The following RYR3 variants were observed in gnomAD, a reference collection of about 807,000 sequenced individuals.
RYR3 encodes ryanodine receptor 3, also known as brain ryanodine receptor-calcium release channel.
Under a neutral mutation model 584.3 loss-of-function variants are expected in RYR3, and 207 were observed. The observed-to-expected ratio is 0.35, with a 90% CI of 0.32 to 0.40. The LOEUF (loss-of-function observed/expected upper bound fraction) is 0.40, where lower values mean the gene tolerates loss of function less well. Among genes scored for constraint, RYR3 ranks in the 10% least tolerant of loss-of-function variants. The pLI is 1.00. For missense variants in RYR3, 5,616 were observed against 6,089.2 expected (o/e 0.92, Z 2.59); for synonymous variants, 2,416 against 2,248.5 (o/e 1.07, Z -2.11).
intron 49 of RYR3, among the ~76,000 whole-genome samples, chr15:33,737,654 C>A (rs1456641301): frequency 6.6e-6 from 1 of 152,164 alleles, no homozygotes; most frequent in African/African-American, 2.4e-5. Context: ...CTAGCAGCCC[C>A]AGTTTTCATC....
chr15:33,838,926 G>C lies in RYR3; in HGVS notation c.12946G>C (p.Glu4316Gln), dbSNP rs777436508. The C allele has an allele frequency of 6.2e-7, 1 of 1,613,606 alleles. No individual in the cohort carries two copies. Among genetic ancestry groups the C allele is most frequent in the Non-Finnish European group, 8.5e-7 (1 of 1,179,714 alleles). The change falls in exon 89 of 104, where the codon GAG becomes CAG. Residue 4316 changes from glutamate to glutamine, a missense_variant. Glu to Gln is a conservative substitution (Grantham distance 29, BLOSUM62 2). Transcript: ENST00000634891. ...IIGKDEPPTL[E>Q]STVQKKRKAQ... ...TGGCAAGGATGAACCCCCTACATTAGAGAGTACTGTACAGAAGAAGAGGAA... is the reference window on the plus strand; with the variant it reads ...TGGCAAGGATGAACCCCCTACATTACAGAGTACTGTACAGAAGAAGAGGAA...
At chr15:33,329,076 G>T (rs572592835) in intron 1 of RYR3, among the ~76,000 whole-genome samples, 1 of 152,166 alleles carries the variant, frequency 6.6e-6, no homozygotes, top group Non-Finnish European at 1.5e-5. Flanking sequence ...GTGAACTTCT[G>T]TAGTTGTCTA....
At chr15:33,368,809 C>T (rs377180850) in intron 1 of RYR3, among the ~76,000 whole-genome samples, 47 of 152,126 alleles carry the variant, frequency 3.1e-4, no homozygotes, top group East Asian at 1.4e-3. Flanking sequence ...TCTAGTGTCT[C>T]GAGATTGGAG....
intron 1 of RYR3, among the ~76,000 whole-genome samples, chr15:33,349,572 C>T (rs1332995522): frequency 6.6e-6 from 1 of 150,690 alleles, no homozygotes; most frequent in Non-Finnish European, 1.5e-5. Flanking sequence ...CATTTGTGTA[C>T]CTTCTTTTTT....
intron 1 of RYR3, among the ~76,000 whole-genome samples, chr15:33,447,340 T>C (rs1025344583): frequency 6.6e-6 from 1 of 152,168 alleles, no homozygotes; most frequent in East Asian, 1.9e-4. Context: ...TGGGGATAAC[T>C]GGGTATGAAC....
chr15:33,497,306 A>T (rs2051527854), intron 2 of RYR3, among the ~76,000 whole-genome samples: 1 of 152,182 alleles, frequency 6.6e-6, no homozygotes, highest in South Asian at 2.1e-4. Flanking sequence ...GGTCTTTCTG[A>T]CACTTGCCAT....
At chr15:33,712,079 T>G (rs1352015730) in intron 43 of RYR3, among the ~76,000 whole-genome samples, 1 of 152,150 alleles carries the variant, frequency 6.6e-6, no homozygotes, top group Non-Finnish European at 1.5e-5. Flanking sequence ...CTCTGGGAGC[T>G]TTCAATTGTG....
At chr15:33,635,979 C>G (rs1187418769) in intron 26 of RYR3, among the ~76,000 whole-genome samples, 160 bp downstream of exon 26, 1 of 152,204 alleles carries the variant, frequency 6.6e-6, no homozygotes, top group African/African-American at 2.4e-5. Context: ...GTGACTGTTT[C>G]TTTGCTCTTC....
chr15:33,530,382 C>G (rs1028517199), intron 3 of RYR3, among the ~76,000 whole-genome samples: 1 of 152,158 alleles, frequency 6.6e-6, no homozygotes, highest in Non-Finnish European at 1.5e-5. Context: ...TAGATTTGGT[C>G]CCACACACCC....
chr15:33,793,698 C>G (rs1351130319), intron 67 of RYR3, among the ~76,000 whole-genome samples: 1 of 151,756 alleles, frequency 6.6e-6, no homozygotes, highest in African/African-American at 2.4e-5. Flanking sequence ...TTAAGGTACC[C>G]ATTATAGATA....
intron 51 of RYR3, 33 bp from the exon 52 acceptor site, chr15:33,742,333 G>T: frequency 1.5e-6 from 2 of 1,375,958 alleles, no homozygotes; most frequent in South Asian, 2.3e-5. Context: ...GAAGTGCTTG[G>T]GGAGGTTGTA....
chr15:33,826,868 C>T (rs528813928), intron 84 of RYR3, 116 bp downstream of exon 84: 7 of 736,956 alleles, frequency 9.5e-6, no homozygotes, highest in East Asian at 4.9e-5. Context: ...TCAGTTAATG[C>T]GTTCCTCAAT....
chr15:33,350,249 G>C (rs1973064619), intron 1 of RYR3, among the ~76,000 whole-genome samples: 1 of 152,080 alleles, frequency 6.6e-6, no homozygotes, highest in African/African-American at 2.4e-5. Flanking sequence ...GGAGCACCCA[G>C]ATTCATAAAG....
rs1350011749 is a variant in RYR3 at position 33,865,322 on chromosome 15, T to A, written c.*96T>A. ...TCTGCAACATATCTGAAATGTGACA[T>A]TTTCTAAATGCCTCCCTTAAAAAAA... On this transcript the variant is annotated 3_prime_UTR_variant, in exon 104 of 104. Coordinates refer to ENST00000634891, the MANE Select transcript of RYR3 (RefSeq NM_001036.6). 4 of 828,428 alleles carry A rather than the reference T, an allele frequency of 4.8e-6. No homozygotes were observed. The highest frequency in any genetic ancestry group is 1.7e-5 in the African/African-American group (1 of 58,030). The allele number at this position is 828,428 out of a possible 1,614,324, so 51.3% of individuals were successfully genotyped here.
At chr15:33,336,253 G>A (rs974870857) in intron 1 of RYR3, among the ~76,000 whole-genome samples, 5 of 151,178 alleles carry the variant, frequency 3.3e-5, no homozygotes, top group African/African-American at 7.3e-5. Context: ...CCAACATGGT[G>A]AAACGCTGTC....
intron 12 of RYR3, among the ~76,000 whole-genome samples, chr15:33,569,143 G>C (rs1199135968): frequency 3.9e-5 from 6 of 152,130 alleles, no homozygotes; most frequent in Non-Finnish European, 7.4e-5. Flanking sequence ...TGATTACTAA[G>C]AACAATGTTT....
chr15:33,652,657 G>T, intron 31 of RYR3, 61 bp from the exon 32 acceptor site: 1 of 1,531,588 alleles, frequency 6.5e-7, no homozygotes, highest in South Asian at 1.2e-5. Context: ...TTTCATTCCT[G>T]AGTCTTGATT....
rs1448601935 is a variant in RYR3, at chr15:33,628,582, G to C, written c.2679+7G>C. 1 of 1,570,420 alleles carries C rather than the reference G, an allele frequency of 6.4e-7. No individual in the cohort carries two copies. Among genetic ancestry groups the C allele is most frequent in the Non-Finnish European group, 8.8e-7 (1 of 1,140,498 alleles). On this transcript the variant is annotated splice_region_variant and intron_variant, in intron 21 of 103. Coordinates refer to ENST00000634891, the MANE Select transcript of RYR3 (RefSeq NM_001036.6). ...TGGCTGGACTTTCGGCAAGGTATGT[G>C]TCTCAGGGCCAGGTTAGGGTGGAGG...
At chr15:33,752,733 G>A (rs2071435106) in intron 57 of RYR3, among the ~76,000 whole-genome samples, 1 of 152,190 alleles carries the variant, frequency 6.6e-6, no homozygotes, top group South Asian at 2.1e-4. Context: ...TCTTTCTCTT[G>A]CCTGATTGCC....
Sources: gnomAD v4.1 joint callset for allele counts (sites outside exome capture counted in the v4.1 genomes callset) on GRCh38, gnomAD v4.1.1 for gene constraint, MANE v1.5 for transcripts, NCBI Gene and HGNC (gene_info 2026-07-23, HGNC 2026-07-21) for gene names.